ZMYND8: variants seen among roughly 807,000 people sequenced by gnomAD.
The protein encoded by ZMYND8 is zinc finger MYND-type containing 8.
A neutral mutation model predicts 140.8 loss-of-function variants in ZMYND8; 37 were observed. The ratio of observed to expected loss-of-function variants is 0.26; its 90% CI spans 0.20 to 0.35. The LOEUF is 0.35. Among genes scored for constraint, ZMYND8 ranks in the 10% least tolerant of loss-of-function variants. The probability of loss-of-function intolerance (pLI) is 1.00; values close to 1 mark genes in which losing one functional copy is unlikely to be tolerated. For missense variants in ZMYND8, 1,068 were observed against 1,570.0 expected (o/e 0.68, Z 5.40); for synonymous variants, 592 against 597.1 (o/e 0.99, Z 0.12).
chr20:47,221,552 TGCACCCAGTG>T, intron 19 of ZMYND8, 78 bp from the exon 20 acceptor site: 1 of 1,502,858 alleles, frequency 6.7e-7, no homozygotes, highest in Non-Finnish European at 8.9e-7. Flanking sequence ...AGCCCCGCCC[TGCACCCAGTG>T]GCACCCAAGG....
chr20:47,313,508 G>A (rs1299564895), intron 2 of ZMYND8, among the ~76,000 whole-genome samples: 1 of 152,044 alleles, frequency 6.6e-6, no homozygotes, highest in African/African-American at 2.4e-5. Context: ...TGTAGTCCCA[G>A]CTACTCGGGA....
chr20:47,327,008 G>A (rs935025925), intron 2 of ZMYND8, among the ~76,000 whole-genome samples: 4 of 152,140 alleles, frequency 2.6e-5, no homozygotes, highest in East Asian at 1.9e-4. Flanking sequence ...GGGGAGTTAC[G>A]GGAGGGTCAT....
intron 11 of ZMYND8, among the ~76,000 whole-genome samples, chr20:47,271,056 GAC>G (rs1421284276): frequency 1.3e-5 from 2 of 151,906 alleles, no homozygotes; most frequent in Non-Finnish European, 2.9e-5. Flanking sequence ...CAGCCTGGAC[GAC>G]AGAGTGAGAC....
intron 17 of ZMYND8, among the ~76,000 whole-genome samples, chr20:47,229,242 C>A (rs1375901479): frequency 6.6e-6 from 1 of 151,842 alleles, no homozygotes; most frequent in East Asian, 1.9e-4. Flanking sequence ...ATTCCCAAAG[C>A]GCTGGGATTA....
At chr20:47,269,167 C>G (rs2075758553) in intron 11 of ZMYND8, among the ~76,000 whole-genome samples, 1 of 152,162 alleles carries the variant, frequency 6.6e-6, no homozygotes, top group Non-Finnish European at 1.5e-5. Context: ...CCACTGCACT[C>G]CAGCCTGGGC....
intron 12 of ZMYND8, among the ~76,000 whole-genome samples, chr20:47,255,375 TA>T (rs2074515585): frequency 6.6e-6 from 1 of 151,824 alleles, no homozygotes; most frequent in Admixed American, 6.6e-5. Context: ...AAACAAACTC[TA>T]TAAAAGAAAA....
At chr20:47,239,941 T>C (rs2039734473) in intron 14 of ZMYND8, among the ~76,000 whole-genome samples, 1 of 152,184 alleles carries the variant, frequency 6.6e-6, no homozygotes, top group Admixed American at 6.5e-5. Flanking sequence ...GAAATTTTTT[T>C]ACTAAAAAAA....
intron 22 of ZMYND8, 74 bp downstream of exon 22, chr20:47,212,568 G>C: frequency 1.3e-6 from 2 of 1,511,826 alleles, no homozygotes; most frequent in East Asian, 4.5e-5. Context: ...CACATACACG[G>C]ACACACACAG....
At chr20:47,322,319 G>A (rs780898197) in intron 2 of ZMYND8, among the ~76,000 whole-genome samples, 3 of 152,118 alleles carry the variant, frequency 2.0e-5, no homozygotes, top group Non-Finnish European at 4.4e-5. Context: ...CAGGTGTGAG[G>A]ATAGACAGGG....
chr20:47,345,811 C>CTT (rs1375805198), intron 2 of ZMYND8, among the ~76,000 whole-genome samples: 2 of 85,728 alleles, frequency 2.3e-5, no homozygotes, highest in Non-Finnish European at 2.4e-5. Context: ...ACTCTGTCCA[C>CTT]TTTTTTTTTT....
At chr20:47,288,075 T>C (rs1378442089) in intron 7 of ZMYND8, among the ~76,000 whole-genome samples, 1 of 152,184 alleles carries the variant, frequency 6.6e-6, no homozygotes, top group Non-Finnish European at 1.5e-5. Context: ...CTTTATGGTA[T>C]TTTTAGAAAT....
intron 17 of ZMYND8, among the ~76,000 whole-genome samples, chr20:47,228,634 T>C (rs2038038381): frequency 6.6e-6 from 1 of 152,230 alleles, no homozygotes; most frequent in Admixed American, 6.5e-5. Flanking sequence ...GATTCATTGA[T>C]TTTTCTTGGG....
chr20:47,217,210 C>T (rs577164956), intron 21 of ZMYND8, among the ~76,000 whole-genome samples: 23 of 152,312 alleles, frequency 1.5e-4, no homozygotes, highest in African/African-American at 3.6e-4. Context: ...CACATCTGCA[C>T]GCTGACGTTT....
chr20:47,249,467 G>A, intron 12 of ZMYND8, 28 bp from the exon 13 acceptor site: 6 of 1,611,160 alleles, frequency 3.7e-6, no homozygotes, highest in Non-Finnish European at 5.1e-6. Flanking sequence ...ACCCTCGTAA[G>A]ATCAGGCACA....
chr20:47,222,809 A>C (rs367678729), intron 19 of ZMYND8, among the ~76,000 whole-genome samples: 5 of 152,382 alleles, frequency 3.3e-5, no homozygotes, highest in African/African-American at 1.2e-4. Flanking sequence ...ATAATAAAAT[A>C]ACAGATTTGT....
At chr20:47,318,315 A>T (rs2079580167) in intron 2 of ZMYND8, among the ~76,000 whole-genome samples, 1 of 152,118 alleles carries the variant, frequency 6.6e-6, no homozygotes, top group Non-Finnish European at 1.5e-5. Flanking sequence ...CCTACTTCAA[A>T]CATGACCACA....
intron 2 of ZMYND8, among the ~76,000 whole-genome samples, chr20:47,313,428 C>G (rs1032496077): frequency 6.6e-6 from 1 of 151,314 alleles, no homozygotes; most frequent in Non-Finnish European, 1.5e-5. Context: ...CGAGACCATC[C>G]TGGCTAACAT....
At chr20:47,340,565 G>A (rs953667715) in intron 2 of ZMYND8, among the ~76,000 whole-genome samples, 3 of 151,784 alleles carry the variant, frequency 2.0e-5, no homozygotes, top group South Asian at 2.1e-4. Flanking sequence ...AGGCTGAGGC[G>A]AGCAGATCAC....
At chr20:47,351,711 T>C in intron 1 of ZMYND8, 4 of 985,446 alleles carry the variant, frequency 4.1e-6, no homozygotes, top group Non-Finnish European at 4.8e-6. Flanking sequence ...AGCACTCACC[T>C]AAAACAGGCA....
Sources: allele counts gnomAD v4.1 joint callset (sites outside exome capture counted in the v4.1 genomes callset), GRCh38; gene constraint gnomAD v4.1.1; transcripts MANE v1.5; gene names NCBI Gene and HGNC (gene_info 2026-07-23, HGNC 2026-07-21).